RABGAP1L: variants seen among roughly 807,000 people sequenced by gnomAD.
The protein encoded by RABGAP1L is RAB GTPase activating protein 1 like.
RABGAP1L carries 63 observed loss-of-function variants against 137.7 expected under a neutral mutation model. The observed-to-expected ratio is 0.46, with a 90% CI of 0.37 to 0.56. RABGAP1L has a LOEUF of 0.56. Among genes scored for constraint, RABGAP1L ranks in the 20% least tolerant of loss-of-function variants. The pLI is 0.00. For synonymous variants in RABGAP1L, 431 were observed against 433.7 expected (o/e 0.99, Z 0.08); for missense variants, 1,095 against 1,244.0 (o/e 0.88, Z 1.80).
At chr1:174,849,762 T>G (rs1375039907) in intron 19 of RABGAP1L, 3 of 503,398 alleles carry the variant, frequency 6.0e-6, no homozygotes, top group African/African-American at 5.9e-5. Flanking sequence ...GGCTATTTTC[T>G]CAGCAGTTCA....
At chr1:174,520,358 T>G (rs903857616) in intron 13 of RABGAP1L, among the ~76,000 whole-genome samples, 1 of 152,216 alleles carries the variant, frequency 6.6e-6, no homozygotes, top group Non-Finnish European at 1.5e-5. Flanking sequence ...CAGCAGAACT[T>G]GAGGAATTCA....
chr1:174,850,012 C>G (rs1166261648), intron 19 of RABGAP1L: 2 of 658,910 alleles, frequency 3.0e-6, no homozygotes, highest in African/African-American at 1.8e-5. Context: ...TGAGCAATCT[C>G]TCCCTTAATT....
chr1:174,358,930 A>G (rs577115841), intron 11 of RABGAP1L, among the ~76,000 whole-genome samples: 2 of 152,318 alleles, frequency 1.3e-5, no homozygotes, highest in South Asian at 2.1e-4. Flanking sequence ...ATGTAGAGGA[A>G]AATTATAATT....
chr1:174,868,034 C>T (rs1651582065), intron 19 of RABGAP1L, among the ~76,000 whole-genome samples: 1 of 152,038 alleles, frequency 6.6e-6, no homozygotes, highest in Non-Finnish European at 1.5e-5. Context: ...GGCACGATCT[C>T]TGCTCACCGC....
intron 13 of RABGAP1L, among the ~76,000 whole-genome samples, chr1:174,474,728 G>A (rs867766555): frequency 9.2e-5 from 14 of 152,006 alleles, no homozygotes; most frequent in South Asian, 4.1e-4. Context: ...TCAGCCTCCC[G>A]AGTAGCTGGG....
intron 19 of RABGAP1L, among the ~76,000 whole-genome samples, chr1:174,888,429 C>T (rs147275228): frequency 0.022 from 3,288 of 152,264 alleles, 52 homozygotes; most frequent in Middle Eastern, 0.082. Context: ...TTACAGTGGG[C>T]TAGGAGAAAT....
At chr1:174,356,641 G>A (rs188590163) in intron 11 of RABGAP1L, among the ~76,000 whole-genome samples, 222 of 151,786 alleles carry the variant, frequency 1.5e-3, no homozygotes, top group Admixed American at 2.5e-3. Flanking sequence ...TTTGATTGAA[G>A]TATCATACAT....
At position 174,551,101 on chromosome 1, in the gene RABGAP1L, C is replaced by T. The variant is rs781580102; in HGVS notation, c.1711-86274C>T. 4.0e-4 allele frequency among the ~76,000 whole-genome samples: 59 copies of T among 146,764 alleles called. 1 individual carries two copies. Among genetic ancestry groups the T allele is most frequent in the Non-Finnish European group, 7.6e-4 (51 of 67,304 alleles). On this transcript the variant is annotated intron_variant, in intron 13 of 25. Coordinates refer to ENST00000681986, the MANE Select transcript of RABGAP1L (RefSeq NM_001366446.1). ...GCACACGCATGTAGTCGCAGCTACT[C>T]GGGAGGCTGAGGGAGGAGAATTGCT...
rs1659211007 is a variant in RABGAP1L at position 174,907,057 on chromosome 1, G to A, written c.2341-50400G>A. 2.0e-5 allele frequency among the ~76,000 whole-genome samples: 3 copies of A among 150,922 alleles called. No individual in the cohort carries two copies. In the South Asian group the frequency reaches 6.3e-4, roughly 32 times the overall value. On this transcript the variant is annotated intron_variant, in intron 19 of 25. Transcript: ENST00000681986. ...ATAAAGGGAGCTTTCCCATTTGAAAGAAGAAAGCACTAATGGGTTAAAAAA... is the reference window on the plus strand; with the variant it reads ...ATAAAGGGAGCTTTCCCATTTGAAAAAAGAAAGCACTAATGGGTTAAAAAA...
intron 11 of RABGAP1L, among the ~76,000 whole-genome samples, chr1:174,330,452 GCACC>G (rs2148861668): frequency 6.6e-6 from 1 of 152,152 alleles, no homozygotes; most frequent in East Asian, 1.9e-4. Context: ...GGGCACAGTG[GCACC>G]CACCTGTAGT....
intron 14 of RABGAP1L, among the ~76,000 whole-genome samples, chr1:174,659,567 T>G (rs1676219520): frequency 6.6e-6 from 1 of 152,204 alleles, no homozygotes; most frequent in African/African-American, 2.4e-5. Context: ...TTTCAGTCTT[T>G]GGACATCTGT....
intron 24 of RABGAP1L, 104 bp from the exon 25 acceptor site, chr1:174,988,537 C>A: frequency 9.9e-7 from 1 of 1,008,728 alleles, no homozygotes; most frequent in Non-Finnish European, 1.4e-6. Context: ...AATGGGCCTG[C>A]ATCTATGACA....
intron 13 of RABGAP1L, among the ~76,000 whole-genome samples, chr1:174,618,918 G>C (rs569676491): frequency 1.3e-4 from 20 of 152,300 alleles, no homozygotes; most frequent in African/African-American, 4.6e-4. Context: ...TGTATAACTA[G>C]AATAACCAAT....
At chr1:174,649,142 G>T (rs562329410) in intron 14 of RABGAP1L, among the ~76,000 whole-genome samples, 1 of 152,092 alleles carries the variant, frequency 6.6e-6, no homozygotes, top group Non-Finnish European at 1.5e-5. Flanking sequence ...GATAGGTCTT[G>T]ACTCTTTATC....
intron 18 of RABGAP1L, among the ~76,000 whole-genome samples, chr1:174,801,726 T>G (rs1486481919): frequency 6.6e-6 from 1 of 152,242 alleles, no homozygotes; most frequent in African/African-American, 2.4e-5. Flanking sequence ...AACCTCATCT[T>G]TTTCTTAAAG....
At chr1:174,404,724 A>AT (rs1649056728) in intron 13 of RABGAP1L, among the ~76,000 whole-genome samples, 4 of 152,222 alleles carry the variant, frequency 2.6e-5, no homozygotes, top group Admixed American at 2.6e-4. Context: ...GATTGACTAA[A>AT]GTAAAACAAT....
intron 19 of RABGAP1L, among the ~76,000 whole-genome samples, chr1:174,946,936 ATATATGTGTGTG>A (rs1366436289): frequency 0.053 from 3,419 of 65,002 alleles, 247 homozygotes; most frequent in East Asian, 0.22. Context: ...ATATATATAT[ATATATGTGTGTG>A]TGTGTGTGTG....
intron 13 of RABGAP1L, among the ~76,000 whole-genome samples, chr1:174,519,935 T>C (rs1663220136): frequency 6.6e-6 from 1 of 152,242 alleles, no homozygotes; most frequent in Non-Finnish European, 1.5e-5. Flanking sequence ...CAGTTAATTA[T>C]AGTAGTACCA....
intron 13 of RABGAP1L, among the ~76,000 whole-genome samples, chr1:174,562,078 A>G (rs1036423221): frequency 3.0e-4 from 46 of 152,226 alleles, no homozygotes; most frequent in African/African-American, 1.1e-3. Context: ...AATCTACAGA[A>G]TTGGAGAAAA....
Sources: gnomAD v4.1 joint callset for allele counts (sites outside exome capture counted in the v4.1 genomes callset) on GRCh38, gnomAD v4.1.1 for gene constraint, MANE v1.5 for transcripts, NCBI Gene and HGNC (gene_info 2026-07-23, HGNC 2026-07-21) for gene names.